The following CDH18 variants were observed in gnomAD, a reference collection of about 807,000 sequenced individuals.
CDH18 encodes cadherin 18.
A neutral mutation model predicts 67.9 loss-of-function variants in CDH18; 31 were observed. The ratio of observed to expected loss-of-function variants is 0.46; its 90% CI spans 0.34 to 0.62. The LOEUF (loss-of-function observed/expected upper bound fraction) is 0.62. Among genes scored for constraint, CDH18 ranks in the 20% least tolerant of loss-of-function variants. The pLI is 0.01. For missense variants in CDH18, 890 were observed against 975.5 expected, an observed-to-expected ratio of 0.91 and a Z score of 1.17; for synonymous variants, 362 against 347.2, an observed-to-expected ratio of 1.04 and a Z score of -0.48.
intron 2 of CDH18, among the ~76,000 whole-genome samples, chr5:19,862,804 T>C (rs933503890): frequency 6.6e-6 from 1 of 152,032 alleles, no homozygotes; most frequent in Admixed American, 6.5e-5. Flanking sequence ...CTCCAGCCAG[T>C]GGGATTTTAT....
chr5:19,788,678 A>G (rs779757728), intron 3 of CDH18, among the ~76,000 whole-genome samples: 92 of 152,188 alleles, frequency 6.0e-4, no homozygotes, highest in Non-Finnish European at 7.6e-4. Context: ...AAGTTATAGA[A>G]GACACATAAT....
rs78867957 is a variant in CDH18 at position 20,438,891 on chromosome 5, A to T, written c.-580+136571T>A. Among the ~76,000 whole-genome samples, 62 of 151,704 alleles carry T rather than the reference A, an allele frequency of 4.1e-4. No homozygotes were observed. The East Asian group carries it at 0.011, about 27-fold the overall frequency. On this transcript the variant is annotated intron_variant, in intron 1 of 14. Coordinates refer to the CDH18 transcript ENST00000507958. ...AGGAGATACGAGTGTAGAAACACTG[A>T]AAAATGAGACATACAAAATCATTTG...
intron 5 of CDH18, among the ~76,000 whole-genome samples, chr5:19,685,457 C>T (rs957409518): frequency 3.3e-5 from 5 of 152,132 alleles, no homozygotes; most frequent in African/African-American, 9.7e-5. Context: ...TGCCTTGGTG[C>T]GTTATTAGGA....
intron 1 of CDH18, among the ~76,000 whole-genome samples, chr5:20,501,401 T>A (rs1368096810): frequency 6.9e-6 from 1 of 145,590 alleles, no homozygotes; most frequent in Non-Finnish European, 1.5e-5. Context: ...AATCCTAAAA[T>A]ATATATATTT....
At chr5:19,534,778 A>T (rs1749165631) in intron 9 of CDH18, among the ~76,000 whole-genome samples, 1 of 152,148 alleles carries the variant, frequency 6.6e-6, no homozygotes, top group African/African-American at 2.4e-5. Context: ...TAATAATATT[A>T]AATACAATAT....
intron 2 of CDH18, among the ~76,000 whole-genome samples, chr5:19,931,690 T>C (rs1160786290): frequency 1.3e-5 from 2 of 151,830 alleles, no homozygotes; most frequent in East Asian, 1.9e-4. Flanking sequence ...TATATAGAAA[T>C]GGGAAAATGC....
intron 3 of CDH18, among the ~76,000 whole-genome samples, chr5:19,755,483 A>C: frequency 8.1e-6 from 1 of 123,208 alleles, no homozygotes; most frequent in Non-Finnish European, 1.8e-5. Context: ...ACATACATAG[A>C]TATATACACA....
chr5:20,229,276 T>A (rs954683246), intron 2 of CDH18, among the ~76,000 whole-genome samples: 3 of 152,134 alleles, frequency 2.0e-5, no homozygotes, highest in Non-Finnish European at 4.4e-5. Context: ...ACTGTGTACT[T>A]CACATTCTAA....
chr5:19,746,927 A>C lies in CDH18; in HGVS notation c.523+15T>G. On this transcript the variant is annotated intron_variant, in intron 4 of 12. Coordinates refer to ENST00000382275, the MANE Select transcript of CDH18 (RefSeq NM_004934.5). ...AATATGTTAATTGCATAATCACAAA[A>C]ATGATTTTTCTTACCCATATCTGAC... The C allele has an allele frequency of 6.2e-7, 1 of 1,604,336 alleles. No individual in the cohort carries two copies. Among genetic ancestry groups the C allele is most frequent in the African/African-American group, 1.3e-5 (1 of 74,734 alleles).
chr5:19,514,110 C>T (rs1335122634), intron 10 of CDH18, among the ~76,000 whole-genome samples: 49 of 152,064 alleles, frequency 3.2e-4, no homozygotes, highest in Admixed American at 3.2e-3. Flanking sequence ...GGTTTTCTGT[C>T]CTTGTGATAG....
chr5:19,946,206 T>C (rs1223852177), intron 2 of CDH18, among the ~76,000 whole-genome samples: 1 of 152,112 alleles, frequency 6.6e-6, no homozygotes, highest in African/African-American at 2.4e-5. Flanking sequence ...GCATAATATA[T>C]TTCAGGTGAT....
At chr5:20,529,796 A>G (rs1212855738) in intron 1 of CDH18, among the ~76,000 whole-genome samples, 2 of 152,090 alleles carry the variant, frequency 1.3e-5, no homozygotes, top group African/African-American at 4.8e-5. Flanking sequence ...TGAATGGGCA[A>G]AAGTTGGAAA....
Position 19,472,406 on chromosome 5 carries a change from G to A in CDH18, c.*820C>T, listed in dbSNP as rs1737722799. On this transcript the variant is annotated 3_prime_UTR_variant, in exon 13 of 13. Coordinates refer to ENST00000382275, the MANE Select transcript of CDH18 (RefSeq NM_004934.5). Reference sequence around the variant, plus strand: ...TTCCCCAACATTTGGTAGAAGATAAGGTGTGTGGCTATTTTTAAAATTAAA... The same window carrying A: ...TTCCCCAACATTTGGTAGAAGATAAAGTGTGTGGCTATTTTTAAAATTAAA... 6.6e-6 allele frequency among the ~76,000 whole-genome samples: 1 copy of A among 152,040 alleles called. No homozygotes were observed. Among genetic ancestry groups the A allele is most frequent in the Non-Finnish European group, 1.5e-5 (1 of 68,002 alleles).
chr5:20,242,605 A>ATGT (rs1422057410), intron 2 of CDH18, among the ~76,000 whole-genome samples: 1 of 88,120 alleles, frequency 1.1e-5, no homozygotes, highest in South Asian at 3.6e-4. Flanking sequence ...GGAAAAAAAA[A>ATGT]AAAAAAATAT....
chr5:20,556,271 G>T (rs966763125), intron 1 of CDH18, among the ~76,000 whole-genome samples: 5 of 152,114 alleles, frequency 3.3e-5, no homozygotes, highest in African/African-American at 4.8e-5. Flanking sequence ...CCATCAAAGT[G>T]CTCAGCAGAT....
At chr5:20,435,374 A>G (rs1474231103) in intron 1 of CDH18, among the ~76,000 whole-genome samples, 1 of 152,066 alleles carries the variant, frequency 6.6e-6, no homozygotes, top group Non-Finnish European at 1.5e-5. Flanking sequence ...TGCATGAACA[A>G]AAGAGCTAAT....
intron 2 of CDH18, among the ~76,000 whole-genome samples, chr5:20,087,426 T>G (rs977629256): frequency 6.6e-6 from 1 of 152,242 alleles, no homozygotes; most frequent in Non-Finnish European, 1.5e-5. Flanking sequence ...GAAGTTTCAC[T>G]GTGGGTAAAA....
intron 2 of CDH18, among the ~76,000 whole-genome samples, chr5:20,108,446 G>T (rs1247125502): frequency 2.0e-5 from 3 of 152,142 alleles, no homozygotes; most frequent in East Asian, 3.9e-4. Context: ...AGGAACTAGG[G>T]GTTAGGACTC....
At chr5:19,794,308 G>T (rs139390227) in intron 3 of CDH18, among the ~76,000 whole-genome samples, 1 of 152,162 alleles carries the variant, frequency 6.6e-6, no homozygotes, top group Non-Finnish European at 1.5e-5. Flanking sequence ...ATTCAACATG[G>T]GTGGGATCCA....
Sources: gnomAD v4.1 joint callset for allele counts (sites outside exome capture counted in the v4.1 genomes callset) on GRCh38, gnomAD v4.1.1 for gene constraint, MANE v1.5 for transcripts, NCBI Gene and HGNC (gene_info 2026-07-23, HGNC 2026-07-21) for gene names.